The following NEK11 variants were observed in gnomAD, a reference collection of about 807,000 sequenced individuals.
The protein encoded by NEK11 is serine/threonine-protein kinase Nek11.
In NEK11, 72 loss-of-function variants were observed where a neutral mutation model predicts 80.7. The observed-to-expected ratio is 0.89, with a 90% CI of 0.74 to 1.08. The LOEUF (loss-of-function observed/expected upper bound fraction) is 1.08, where lower values mean the gene tolerates loss of function less well. Among genes scored for constraint, NEK11 ranks in the 50% least tolerant of loss-of-function variants. NEK11 has a pLI of 0.00. For missense variants in NEK11, 764 were observed against 763.6 expected (o/e 1.00, Z -0.01); for synonymous variants, 251 against 260.7 (o/e 0.96, Z 0.36).
At chr3:131,245,301 TTGTGTGTGTGTG>T (rs4044352) in intron 16 of NEK11, among the ~76,000 whole-genome samples, 1 of 140,736 alleles carries the variant, frequency 7.1e-6, no homozygotes, top group Non-Finnish European at 1.5e-5. Context: ...TAGTATTCCA[TTGTGTGTGTGTG>T]TGTGTGTGTG....
At chr3:131,307,672 G>T (rs971578316) in intron 17 of NEK11, among the ~76,000 whole-genome samples, 3 of 152,170 alleles carry the variant, frequency 2.0e-5, no homozygotes, top group Non-Finnish European at 4.4e-5. Context: ...GGGAAAACAT[G>T]ATACAATTCC....
chr3:131,322,285 A>G (rs1450767961), intron 17 of NEK11, among the ~76,000 whole-genome samples: 1 of 152,078 alleles, frequency 6.6e-6, no homozygotes, highest in Non-Finnish European at 1.5e-5. Flanking sequence ...AATGAAGACC[A>G]CTAGAGGAGG....
At chr3:131,223,603 T>C (rs887638572) in intron 14 of NEK11, among the ~76,000 whole-genome samples, 3 of 152,262 alleles carry the variant, frequency 2.0e-5, no homozygotes, top group Non-Finnish European at 2.9e-5. Context: ...TATTTATGTA[T>C]TGTCTGTTTT....
chr3:131,133,981 C>T, intron 7 of NEK11, 25 bp downstream of exon 7: 1 of 1,550,664 alleles, frequency 6.4e-7, no homozygotes, highest in Non-Finnish European at 8.7e-7. Flanking sequence ...GGGCTAGACT[C>T]TTCATCTGCT....
chr3:131,215,232 T>G (rs112253835), intron 14 of NEK11, among the ~76,000 whole-genome samples: 1 of 134,504 alleles, frequency 7.4e-6, no homozygotes, highest in African/African-American at 2.8e-5. Context: ...ATGAGAACAC[T>G]TGGTCACAGG....
chr3:131,093,399 A>G (rs1271301090), intron 4 of NEK11, among the ~76,000 whole-genome samples: 1 of 148,296 alleles, frequency 6.7e-6, no homozygotes, highest in Non-Finnish European at 1.5e-5. Flanking sequence ...GAATCTAAAA[A>G]CCCAATCATG....
At chr3:131,174,037 A>G (rs1277618716) in intron 14 of NEK11, among the ~76,000 whole-genome samples, 1 of 152,204 alleles carries the variant, frequency 6.6e-6, no homozygotes, top group Non-Finnish European at 1.5e-5. Context: ...CTGTAAATTC[A>G]TACCTTCTAA....
intron 17 of NEK11, among the ~76,000 whole-genome samples, chr3:131,348,445 G>T (rs1378299140): frequency 6.6e-6 from 1 of 152,046 alleles, no homozygotes; most frequent in African/African-American, 2.4e-5. Flanking sequence ...CCTGGTATAA[G>T]ATGATAAAAG....
chr3:131,107,225 A>G (rs2079323042), intron 4 of NEK11, among the ~76,000 whole-genome samples: 1 of 152,104 alleles, frequency 6.6e-6, no homozygotes, highest in African/African-American at 2.4e-5. Context: ...AGGTTAACAC[A>G]TTTTAAAAAA....
At chr3:131,155,762 C>G (rs1371846422) in intron 10 of NEK11, among the ~76,000 whole-genome samples, 2 of 152,126 alleles carry the variant, frequency 1.3e-5, no homozygotes, top group Non-Finnish European at 2.9e-5. Flanking sequence ...GTGTGCAGGA[C>G]AGTGGGATGA....
At chr3:131,037,307 C>T (rs979112326) in intron 3 of NEK11, among the ~76,000 whole-genome samples, 2 of 145,188 alleles carry the variant, frequency 1.4e-5, no homozygotes, top group Admixed American at 7.0e-5. Context: ...TTTTTTGAGA[C>T]GGAGTCTTGC....
chr3:131,289,217 C>T (rs542693511), intron 17 of NEK11, among the ~76,000 whole-genome samples: 1 of 152,286 alleles, frequency 6.6e-6, no homozygotes, highest in South Asian at 2.1e-4. Context: ...TGTGTGGACC[C>T]ACATCCCTGG....
chr3:131,182,140 G>GAA (rs371262385), intron 14 of NEK11, among the ~76,000 whole-genome samples: 137 of 121,644 alleles, frequency 1.1e-3, no homozygotes, highest in African/African-American at 3.6e-3. Context: ...CACATCTCCA[G>GAA]AAAAAAAAAA....
chr3:131,136,339 A>G lies in NEK11; in HGVS notation c.647+2383A>G, dbSNP rs192298005. Among the ~76,000 whole-genome samples, 345 of 152,310 alleles carry G rather than the reference A, an allele frequency of 2.3e-3. 2 individuals are homozygous for G. Among genetic ancestry groups the G allele is most frequent in the Non-Finnish European group, 4.1e-3 (280 of 68,006 alleles). On this transcript the variant is annotated intron_variant, in intron 7 of 17. Transcript: ENST00000383366. Reference sequence around the variant, plus strand: ...AACTATTAATTATAGTGTCAGATACATACGTGTGATGAGTAATCTTTAGTA... The same window carrying G: ...AACTATTAATTATAGTGTCAGATACGTACGTGTGATGAGTAATCTTTAGTA...
At chr3:131,166,986 C>A (rs1030011847) in intron 12 of NEK11, among the ~76,000 whole-genome samples, 3 of 152,320 alleles carry the variant, frequency 2.0e-5, no homozygotes, top group African/African-American at 7.2e-5. Context: ...CCCACAAATC[C>A]TGACAAGGAG....
At chr3:131,158,193 C>A (rs774298292) in intron 10 of NEK11, among the ~76,000 whole-genome samples, 2 of 152,068 alleles carry the variant, frequency 1.3e-5, no homozygotes, top group South Asian at 4.1e-4. Context: ...TCATAGCTCC[C>A]GTACTGCTGA....
intron 15 of NEK11, among the ~76,000 whole-genome samples, chr3:131,231,541 G>T (rs2095330385): frequency 6.6e-6 from 1 of 150,800 alleles, no homozygotes; most frequent in South Asian, 2.1e-4. Flanking sequence ...GCAAAAAATA[G>T]AGTAATTTGT....
chr3:131,176,916 C>T (rs531061454), intron 14 of NEK11, among the ~76,000 whole-genome samples: 63 of 152,212 alleles, frequency 4.1e-4, no homozygotes, highest in African/African-American at 1.3e-3. Context: ...AGAGGGCATC[C>T]TTAAGTGGCC....
intron 14 of NEK11, among the ~76,000 whole-genome samples, chr3:131,207,002 T>C (rs2094459877): frequency 6.6e-6 from 1 of 152,326 alleles, no homozygotes; most frequent in East Asian, 1.9e-4. Flanking sequence ...GAACTCATCA[T>C]TTTTTATGGC....
Sources: allele counts gnomAD v4.1 joint callset (sites outside exome capture counted in the v4.1 genomes callset), GRCh38; gene constraint gnomAD v4.1.1; transcripts MANE v1.5; gene names NCBI Gene and HGNC (gene_info 2026-07-23, HGNC 2026-07-21).